TRPM3: variants seen among roughly 807,000 people sequenced by gnomAD.
The protein encoded by TRPM3 is long transient receptor potential channel 3.
TRPM3 carries 77 observed loss-of-function variants against 181.2 expected under a neutral mutation model. The observed-to-expected ratio is 0.42, with a 90% CI of 0.35 to 0.51. TRPM3 has a LOEUF of 0.51. TRPM3 is among the 20% of genes least tolerant of loss of function. The probability of loss-of-function intolerance (pLI) is 0.01; values close to 1 mark genes in which losing one functional copy is unlikely to be tolerated. For missense variants in TRPM3, 1,759 were observed against 2,196.7 expected (o/e 0.80, Z 3.98); for synonymous variants, 745 against 796.4 (o/e 0.94, Z 1.09).
intron 1 of TRPM3, among the ~76,000 whole-genome samples, chr9:71,296,319 C>T (rs1015083431): frequency 3.3e-5 from 5 of 151,986 alleles, no homozygotes; most frequent in Admixed American, 1.3e-4. Context: ...GCTAGGAAGA[C>T]GGAAAAATAA....
At chr9:70,572,055 T>C (rs554365064) in intron 22 of TRPM3, among the ~76,000 whole-genome samples, 1 of 152,278 alleles carries the variant, frequency 6.6e-6, no homozygotes, top group African/African-American at 2.4e-5. Flanking sequence ...TTGTCTTCTT[T>C]ACATATTGAC....
At chr9:71,091,192 C>A (rs2066153216) in intron 1 of TRPM3, among the ~76,000 whole-genome samples, 1 of 152,090 alleles carries the variant, frequency 6.6e-6, no homozygotes, top group Admixed American at 6.6e-5. Flanking sequence ...CTTTGGTATG[C>A]TGACAGCTTT....
rs749452046 is a variant in TRPM3, at chr9:70,610,605, T to C, written c.2667+4A>G. On this transcript the variant is annotated splice_donor_region_variant and intron_variant, in intron 19 of 25. Coordinates refer to ENST00000677713, the MANE Select transcript of TRPM3 (RefSeq NM_001366145.2). Reference sequence around the variant, plus strand: ...CTAGGAAGGAGAAAAGGAAATGTGCTTACTGTGTAGAACCAGAACTTCACG... The same window carrying C: ...CTAGGAAGGAGAAAAGGAAATGTGCCTACTGTGTAGAACCAGAACTTCACG... The C allele has an allele frequency of 1.2e-6, 2 of 1,613,258 alleles. No homozygotes were observed. The highest frequency in any genetic ancestry group is 1.6e-4 in the Middle Eastern group (1 of 6,082).
chr9:70,806,918 G>T (rs1272205596), intron 6 of TRPM3, among the ~76,000 whole-genome samples: 13 of 152,210 alleles, frequency 8.5e-5, no homozygotes, highest in Admixed American at 3.9e-4. Context: ...GGACTTTGAA[G>T]GGTCCTATGA....
intron 1 of TRPM3, among the ~76,000 whole-genome samples, chr9:71,256,336 T>G (rs192332533): frequency 2.6e-5 from 4 of 152,266 alleles, no homozygotes; most frequent in African/African-American, 9.6e-5. Flanking sequence ...GGTGTGTTCA[T>G]TTACCACTAG....
chr9:71,008,659 C>T (rs975065119), intron 1 of TRPM3, among the ~76,000 whole-genome samples: 1 of 152,020 alleles, frequency 6.6e-6, no homozygotes, highest in East Asian at 1.9e-4. Flanking sequence ...CCTGGCCAAC[C>T]TGGTGAAACC....
intron 9 of TRPM3, among the ~76,000 whole-genome samples, chr9:70,674,116 C>A (rs913989989): frequency 1.3e-4 from 19 of 151,962 alleles, no homozygotes; most frequent in African/African-American, 4.1e-4. Context: ...AAACTGTCTG[C>A]CCACAGGAAA....
At chr9:71,038,273 T>C (rs2058438001) in intron 1 of TRPM3, among the ~76,000 whole-genome samples, 1 of 152,220 alleles carries the variant, frequency 6.6e-6, no homozygotes, top group South Asian at 2.1e-4. Flanking sequence ...GAGATGCCTC[T>C]TGTCTTTAAG....
intron 20 of TRPM3, among the ~76,000 whole-genome samples, chr9:70,601,847 C>G (rs942592325): frequency 6.6e-6 from 1 of 152,198 alleles, no homozygotes; most frequent in Non-Finnish European, 1.5e-5. Flanking sequence ...CTGCTCGAGT[C>G]CTTCCCTTTT....
At chr9:70,948,660 A>T (rs964889110) in intron 1 of TRPM3, among the ~76,000 whole-genome samples, 7 of 152,196 alleles carry the variant, frequency 4.6e-5, no homozygotes, top group Admixed American at 4.6e-4. Flanking sequence ...TTAGGAATTT[A>T]GAAGCAGCAA....
intron 1 of TRPM3, among the ~76,000 whole-genome samples, chr9:71,164,478 C>T (rs977056179): frequency 3.9e-5 from 6 of 152,018 alleles, no homozygotes; most frequent in East Asian, 1.9e-4. Flanking sequence ...AGCCTGCTTG[C>T]GCTGTTGCTC....
At chr9:70,850,662 G>A (rs546254990) in intron 3 of TRPM3, among the ~76,000 whole-genome samples, 1 of 152,304 alleles carries the variant, frequency 6.6e-6, no homozygotes, top group East Asian at 1.9e-4. Context: ...TACTTGAGTA[G>A]TGTGGTTTAG....
intron 3 of TRPM3, among the ~76,000 whole-genome samples, chr9:70,853,941 C>A (rs911498246): frequency 8.5e-5 from 13 of 152,142 alleles, no homozygotes; most frequent in Admixed American, 2.0e-4. Context: ...TTGAGATTAT[C>A]TGAGGATTTT....
intron 1 of TRPM3, among the ~76,000 whole-genome samples, chr9:71,016,607 G>T (rs1352360061): frequency 6.6e-6 from 1 of 152,054 alleles, no homozygotes; most frequent in Admixed American, 6.6e-5. Flanking sequence ...CCTTTTTAAA[G>T]CTGAATGATA....
chr9:70,586,839 C>A (rs1330263388), intron 22 of TRPM3, among the ~76,000 whole-genome samples: 1 of 152,114 alleles, frequency 6.6e-6, no homozygotes, highest in Non-Finnish European at 1.5e-5. Flanking sequence ...AGACTGGCTC[C>A]TTGAGATGTT....
chr9:71,441,304 C>CT (rs1239659582), intron 1 of TRPM3, among the ~76,000 whole-genome samples: 1 of 151,806 alleles, frequency 6.6e-6, no homozygotes. Flanking sequence ...AACATTGTCC[C>CT]TTTTTTATTT....
intron 1 of TRPM3, among the ~76,000 whole-genome samples, chr9:71,127,316 C>CACACACACACACACACACACA (rs1565253257): frequency 1.3e-4 from 20 of 149,294 alleles, no homozygotes; most frequent in South Asian, 2.1e-4. Context: ...CACACACACA[C>CACACACACACACACACACACA]CCCTGAACTG....
chr9:70,868,000 G>T (rs982724441), intron 1 of TRPM3, among the ~76,000 whole-genome samples: 1 of 151,976 alleles, frequency 6.6e-6, no homozygotes, highest in Admixed American at 6.6e-5. Flanking sequence ...AAATAGTTTC[G>T]ATGTGCTGTG....
intron 1 of TRPM3, among the ~76,000 whole-genome samples, chr9:70,886,149 A>C (rs756135452): frequency 6.6e-6 from 1 of 152,262 alleles, no homozygotes; most frequent in Non-Finnish European, 1.5e-5. Flanking sequence ...AAAATCTGTA[A>C]GAACAAGTGA....
Sources: gnomAD v4.1 joint callset for allele counts (sites outside exome capture counted in the v4.1 genomes callset) on GRCh38, gnomAD v4.1.1 for gene constraint, MANE v1.5 for transcripts, NCBI Gene and HGNC (gene_info 2026-07-23, HGNC 2026-07-21) for gene names.